MAP7: variants seen among roughly 807,000 people sequenced by gnomAD.
The protein encoded by MAP7 is ensconsin.
A neutral mutation model predicts 94.8 loss-of-function variants in MAP7; 52 were observed. The ratio of observed to expected loss-of-function variants is 0.55; its 90% confidence interval spans 0.44 to 0.69. MAP7 has a LOEUF of 0.69. Among genes scored for constraint, MAP7 ranks in the 30% least tolerant of loss-of-function variants. The pLI, the probability that MAP7 is intolerant of heterozygous loss-of-function variation, is 0.00. For synonymous variants in MAP7, 350 were observed against 357.0 expected (o/e 0.98, Z 0.22); for missense variants, 940 against 964.6 (o/e 0.97, Z 0.34).
In MAP7 at chr6:136,470,843, T is replaced by C. The variant is rs187221533; in HGVS notation, c.68-49044A>G. On this transcript the variant is annotated intron_variant, in intron 1 of 17. Transcript: ENST00000354570. ...ATATGGATAGGCTAAGCACTTCCTC[T>C]GAAAAAAAAAATTGCACTTACAGTG... 5.4e-4 allele frequency among the ~76,000 whole-genome samples: 82 copies of C among 150,742 alleles called. 1 individual carries two copies. The highest frequency in any genetic ancestry group is 8.0e-4 in the Non-Finnish European group (54 of 67,906).
At chr6:136,513,902 A>G (rs1297557840) in intron 1 of MAP7, among the ~76,000 whole-genome samples, 1 of 152,148 alleles carries the variant, frequency 6.6e-6, no homozygotes, top group Non-Finnish European at 1.5e-5. Context: ...TGTGTTTTGC[A>G]AGTGGTGGTG....
intron 1 of MAP7, among the ~76,000 whole-genome samples, chr6:136,480,075 A>C (rs1412115598): frequency 6.6e-6 from 1 of 152,210 alleles, no homozygotes; most frequent in Non-Finnish European, 1.5e-5. Context: ...GAGGAATCAC[A>C]TTACTTGACT....
At chr6:136,540,101 G>A (rs920073564) in intron 1 of MAP7, among the ~76,000 whole-genome samples, 1 of 152,154 alleles carries the variant, frequency 6.6e-6, no homozygotes, top group South Asian at 2.1e-4. Flanking sequence ...ATTAAAAACC[G>A]CAGAGGTTAC....
chr6:136,389,370 C>A lies in MAP7; in HGVS notation c.392G>T (p.Arg131Ile). ...RAAVEEKRRQRLEEDKERHEA... is the reference protein window; with the variant it reads ...RAAVEEKRRQILEEDKERHEA... ...GCGGCTCACTTTGTCCTCCTCAAGT[C>A]TCTGCCTCCGCTTCTCCTCCACAGC... The change falls in exon 4 of 18, where the codon AGA becomes ATA. Residue 131 changes from arginine to isoleucine, a missense_variant. Coordinates refer to ENST00000354570, the MANE Select transcript of MAP7 (RefSeq NM_003980.6). 6.4e-7 allele frequency: 1 copy of A among 1,550,390 alleles called. No homozygotes were observed.
chr6:136,414,667 G>C (rs1788767463), intron 2 of MAP7, among the ~76,000 whole-genome samples: 1 of 151,812 alleles, frequency 6.6e-6, no homozygotes, highest in Admixed American at 6.6e-5. Flanking sequence ...TTTTAAACAG[G>C]ATCTTGCTGT....
intron 8 of MAP7, among the ~76,000 whole-genome samples, chr6:136,371,458 A>C (rs965876262): frequency 3.9e-5 from 6 of 152,240 alleles, no homozygotes; most frequent in African/African-American, 1.4e-4. Context: ...GCCTGACTCA[A>C]TCATGAATCA....
chr6:136,542,192 C>T (rs1238214156), intron 1 of MAP7, among the ~76,000 whole-genome samples: 1 of 152,112 alleles, frequency 6.6e-6, no homozygotes, highest in African/African-American at 2.4e-5. Context: ...ATCCAAATGC[C>T]ATTTAAATGT....
intron 1 of MAP7, chr6:136,466,706 T>C: frequency 6.6e-7 from 1 of 1,513,718 alleles, no homozygotes; most frequent in Admixed American, 2.0e-5. Context: ...GATTGCCTGA[T>C]TCTTGAACGT....
intron 1 of MAP7, among the ~76,000 whole-genome samples, chr6:136,513,893 G>A (rs1283445505): frequency 6.6e-6 from 1 of 152,176 alleles, no homozygotes; most frequent in Non-Finnish European, 1.5e-5. Flanking sequence ...TAAATTGCAT[G>A]TGTTTTGCAA....
At chr6:136,444,010 T>C (rs989478477) in intron 1 of MAP7, among the ~76,000 whole-genome samples, 4 of 152,248 alleles carry the variant, frequency 2.6e-5, no homozygotes, top group Non-Finnish European at 5.9e-5. Context: ...CACCTTACGA[T>C]GGTTTGACTT....
intron 3 of MAP7, among the ~76,000 whole-genome samples, chr6:136,404,816 G>C (rs1312838039): frequency 6.6e-6 from 1 of 152,172 alleles, no homozygotes; most frequent in Non-Finnish European, 1.5e-5. Context: ...CAAGCGTAGA[G>C]TACTGTTTGT....
At chr6:136,373,762 G>A (rs150784788) in intron 7 of MAP7, among the ~76,000 whole-genome samples, 237 of 152,318 alleles carry the variant, frequency 1.6e-3, no homozygotes, top group Non-Finnish European at 2.6e-3. Flanking sequence ...AAACCACTAT[G>A]CCAGCTGAAT....
chr6:136,371,972 T>A (rs772276630), intron 8 of MAP7, among the ~76,000 whole-genome samples: 53 of 152,254 alleles, frequency 3.5e-4, no homozygotes, highest in Admixed American at 2.4e-3. Flanking sequence ...AAATGACTAA[T>A]GTTTTCAAAA....
At chr6:136,405,272 T>C (rs1785247768) in intron 3 of MAP7, among the ~76,000 whole-genome samples, 1 of 152,074 alleles carries the variant, frequency 6.6e-6, no homozygotes, top group Admixed American at 6.5e-5. Flanking sequence ...CAACAGATAA[T>C]CAACAAATAA....
At chr6:136,523,372 G>A (rs1046120997) in intron 1 of MAP7, among the ~76,000 whole-genome samples, 12 of 152,158 alleles carry the variant, frequency 7.9e-5, no homozygotes, top group African/African-American at 2.9e-4. Context: ...TGTCCAATAA[G>A]GTGGTCACAT....
chr6:136,396,546 T>G (rs1025065993), intron 3 of MAP7, among the ~76,000 whole-genome samples: 5 of 152,196 alleles, frequency 3.3e-5, no homozygotes, highest in African/African-American at 1.2e-4. Context: ...GGTCTTTATT[T>G]CTTTCTCTTG....
chr6:136,399,519 T>A (rs547611696), intron 3 of MAP7, among the ~76,000 whole-genome samples: 181 of 152,056 alleles, frequency 1.2e-3, no homozygotes, highest in Non-Finnish European at 2.1e-3. Context: ...CGTTTTTTTT[T>A]TTATTATTAT....
chr6:136,360,975 G>A (rs1792520991), intron 12 of MAP7, 30 bp downstream of exon 12: 1 of 1,554,236 alleles, frequency 6.4e-7, no homozygotes, highest in Non-Finnish European at 8.6e-7. Flanking sequence ...GCGGGACTGG[G>A]GCCGGGGCCA....
intron 1 of MAP7, among the ~76,000 whole-genome samples, chr6:136,518,798 C>CT (rs1235113013): frequency 6.6e-6 from 1 of 152,150 alleles, no homozygotes; most frequent in South Asian, 2.1e-4. Context: ...AGACTATAAT[C>CT]TTTTAATAAA....
Sources: allele counts gnomAD v4.1 joint callset (sites outside exome capture counted in the v4.1 genomes callset), GRCh38; gene constraint gnomAD v4.1.1; transcripts MANE v1.5; gene names NCBI Gene and HGNC (gene_info 2026-07-23, HGNC 2026-07-21).